The following XRCC6 variants were observed in gnomAD, a reference collection of about 807,000 sequenced individuals.
XRCC6 encodes DNA repair protein Ku70.
Under a neutral mutation model 65.7 loss-of-function variants are expected in XRCC6, and 5 were observed. That is an observed-to-expected ratio of 0.08 (90% CI 0.04 to 0.16). The LOEUF (loss-of-function observed/expected upper bound fraction) is 0.16, where lower values mean the gene tolerates loss of function less well. XRCC6 is among the 10% of genes least tolerant of loss of function. The probability of loss-of-function intolerance (pLI) is 1.00; values close to 1 mark genes in which losing one functional copy is unlikely to be tolerated. For missense variants in XRCC6, 447 were observed against 738.1 expected, an observed-to-expected ratio of 0.61 and a Z score of 4.57; for synonymous variants, 270 against 270.6, an observed-to-expected ratio of 1.00 and a Z score of 0.02.
At chr22:41,626,787 AC>A (rs1449718271) in intron 2 of XRCC6, among the ~76,000 whole-genome samples, 1 of 151,590 alleles carries the variant, frequency 6.6e-6, no homozygotes, top group Non-Finnish European at 1.5e-5. Context: ...GCAGGTGTCC[AC>A]CACCACGCCC....
At position 41,663,920 on chromosome 22, in the gene XRCC6, C is replaced by T. The variant is rs532921229; in HGVS notation, c.*105C>T. The T allele has an allele frequency of 3.1e-5, 38 of 1,227,626 alleles. No homozygotes were observed. In the South Asian group the frequency reaches 4.5e-4, roughly 15 times the overall value. The allele number at this position is 1,227,626 out of a possible 1,614,324, so 76.0% of individuals were successfully genotyped here. On this transcript the variant is annotated 3_prime_UTR_variant, in exon 13 of 13. Transcript: ENST00000360079. ...TCTCCTGAGCTAGGAAGAGTCTACC[C>T]GACATAAGTCGAGGGACTTTATGTT...
intron 6 of XRCC6, among the ~76,000 whole-genome samples, chr22:41,642,589 T>G (rs1050309356): frequency 6.6e-6 from 1 of 152,200 alleles, no homozygotes; most frequent in African/African-American, 2.4e-5. Flanking sequence ...TTTAGGATTG[T>G]TTTGTCTATT....
At chr22:41,658,170 T>C (rs375217347) in intron 10 of XRCC6, 82 bp from the exon 11 acceptor site, 1 of 1,379,028 alleles carries the variant, frequency 7.3e-7, no homozygotes. Context: ...CCCGGACCTG[T>C]AGTATCTCAG....
At chr22:41,655,052 G>GTAGC (rs1742927959) in intron 9 of XRCC6, among the ~76,000 whole-genome samples, 4 of 152,192 alleles carry the variant, frequency 2.6e-5, no homozygotes, top group Admixed American at 2.6e-4. Context: ...TAGTCACTTA[G>GTAGC]TAGCTGTCTT....
chr22:41,633,814 A>C (rs1024812618), intron 3 of XRCC6, among the ~76,000 whole-genome samples: 18 of 152,218 alleles, frequency 1.2e-4, no homozygotes, highest in Admixed American at 1.2e-3. Flanking sequence ...AAGAAAATGT[A>C]GTGTTAGGTA....
rs370808342 is a variant in XRCC6, at chr22:41,653,781, G to C, written c.1291+91G>C. On this transcript the variant is annotated intron_variant, in intron 9 of 12. Transcript: ENST00000360079. ...CCTAATGCAGACCTACTGAATCATAGTCTCTGGGAATGGGGCTTAAAAATG... is the reference window on the plus strand; with the variant it reads ...CCTAATGCAGACCTACTGAATCATACTCTCTGGGAATGGGGCTTAAAAATG... 2.9e-5 allele frequency: 42 copies of C among 1,458,438 alleles called. No homozygotes were observed. In the Middle Eastern group the frequency reaches 5.4e-4, roughly 19 times the overall value. 90.3% of individuals were successfully genotyped at this position (1,458,438 alleles called of 1,614,324 possible). A position where few individuals can be genotyped will look rare whatever the true frequency, so the allele number is the denominator to read the frequency against.
At chr22:41,627,542 C>T (rs988318564) in intron 2 of XRCC6, among the ~76,000 whole-genome samples, 11 of 139,388 alleles carry the variant, frequency 7.9e-5, no homozygotes, top group South Asian at 4.6e-4. Flanking sequence ...ACCTGGGAGA[C>T]GGAGGTCGTA....
intron 6 of XRCC6, among the ~76,000 whole-genome samples, chr22:41,638,336 A>C (rs1237104145): frequency 1.3e-5 from 2 of 152,288 alleles, no homozygotes; most frequent in East Asian, 3.9e-4. Flanking sequence ...TCACACACCC[A>C]GAGAGTACAG....
chr22:41,641,272 C>G (rs894094527), intron 6 of XRCC6, among the ~76,000 whole-genome samples: 1 of 151,058 alleles, frequency 6.6e-6, no homozygotes, highest in Non-Finnish European at 1.5e-5. Context: ...CTAACAATGC[C>G]TTAGGGCTAA....
intron 7 of XRCC6, among the ~76,000 whole-genome samples, chr22:41,649,897 T>A (rs1474351471): frequency 2.0e-5 from 3 of 151,624 alleles, no homozygotes; most frequent in South Asian, 2.1e-4. Context: ...CTGGGCACAG[T>A]GGCTCACACC....
intron 6 of XRCC6, among the ~76,000 whole-genome samples, chr22:41,646,394 A>G (rs569184727): frequency 3.3e-5 from 5 of 152,136 alleles, no homozygotes; most frequent in Admixed American, 6.5e-5. Flanking sequence ...GGTGATTGAT[A>G]TAGTGCTGTG....
At chr22:41,629,654 A>G (rs923545501) in intron 3 of XRCC6, among the ~76,000 whole-genome samples, 1 of 151,900 alleles carries the variant, frequency 6.6e-6, no homozygotes, top group Non-Finnish European at 1.5e-5. Flanking sequence ...TTGTGTGTGT[A>G]TTTATTTATT....
chr22:41,632,126 G>A (rs1252793372), intron 3 of XRCC6, among the ~76,000 whole-genome samples: 1 of 138,328 alleles, frequency 7.2e-6, no homozygotes, highest in African/African-American at 3.2e-5. Flanking sequence ...TGGAAAGAGA[G>A]GGAGAGGGAG....
At chr22:41,628,709 G>C (rs1276793707) in intron 3 of XRCC6, among the ~76,000 whole-genome samples, 1 of 152,202 alleles carries the variant, frequency 6.6e-6, no homozygotes, top group Non-Finnish European at 1.5e-5. Context: ...GGTGGCTCAT[G>C]TCTATAATCC....
At chr22:41,645,538 T>C (rs1005998509) in intron 6 of XRCC6, among the ~76,000 whole-genome samples, 1 of 152,082 alleles carries the variant, frequency 6.6e-6, no homozygotes, top group East Asian at 1.9e-4. Flanking sequence ...GGGTCAGATA[T>C]GCCCACCACT....
At chr22:41,651,136 A>T (rs1047793462) in intron 8 of XRCC6, among the ~76,000 whole-genome samples, 1 of 152,096 alleles carries the variant, frequency 6.6e-6, no homozygotes, top group Non-Finnish European at 1.5e-5. Flanking sequence ...CGTCTCTACT[A>T]AAAATACAAA....
intron 3 of XRCC6, among the ~76,000 whole-genome samples, chr22:41,630,624 TTCCTAGGCAGAGGACCC>T (rs1175857961): frequency 6.6e-6 from 1 of 151,790 alleles, no homozygotes; most frequent in Non-Finnish European, 1.5e-5. Context: ...GTCTCTGGTT[TTCCTAGGCAGAGGACCC>T]TGAGGCCTTC....
chr22:41,630,411 A>G (rs2147072794), intron 3 of XRCC6, among the ~76,000 whole-genome samples: 1 of 151,850 alleles, frequency 6.6e-6, no homozygotes, highest in Middle Eastern at 3.4e-3. Context: ...TGCCTGGCAC[A>G]TTGTGAATGT....
chr22:41,655,887 T>C (rs756739135), intron 9 of XRCC6, among the ~76,000 whole-genome samples: 4 of 151,642 alleles, frequency 2.6e-5, no homozygotes, highest in Non-Finnish European at 4.4e-5. Flanking sequence ...CTGTTGCACC[T>C]CAAACTGTAA....
Sources: gnomAD v4.1 joint callset for allele counts (sites outside exome capture counted in the v4.1 genomes callset) on GRCh38, gnomAD v4.1.1 for gene constraint, MANE v1.5 for transcripts, NCBI Gene and HGNC (gene_info 2026-07-23, HGNC 2026-07-21) for gene names.